The following TRMT11 variants were observed in gnomAD, a reference collection of about 807,000 sequenced individuals.
TRMT11 encodes tRNA (guanine(10)-N(2))-methyltransferase TRMT11.
In TRMT11, 53 loss-of-function variants were observed where a neutral mutation model predicts 62.8. The ratio of observed to expected loss-of-function variants is 0.84; its 90% CI spans 0.68 to 1.06. The LOEUF (loss-of-function observed/expected upper bound fraction) is 1.06. TRMT11 is among the 50% of genes least tolerant of loss of function. The pLI, the probability that TRMT11 is intolerant of heterozygous loss-of-function variation, is 0.00. For missense variants in TRMT11, 556 were observed against 553.4 expected (o/e 1.00, Z -0.05); for synonymous variants, 188 against 190.3 (o/e 0.99, Z 0.10).
chr6:126,084,268 G>A (rs538507283), intron 17 of TRMT11, among the ~76,000 whole-genome samples: 19 of 152,046 alleles, frequency 1.2e-4, no homozygotes, highest in African/African-American at 2.7e-4. Context: ...TCTTCTGACC[G>A]TTTGATACCA....
chr6:126,008,496 TTA>T (rs778580943), intron 8 of TRMT11, 24 bp downstream of exon 8: 163 of 1,585,820 alleles, frequency 1.0e-4, no homozygotes, highest in Non-Finnish European at 1.3e-4. Flanking sequence ...ATAGACAGTA[TTA>T]TAGTCATTGC....
At chr6:126,255,534 C>T in the TRMT11 span, among the ~76,000 whole-genome samples, 1 of 152,128 alleles carries the variant, frequency 6.6e-6, no homozygotes, top group South Asian at 2.1e-4. Context: ...AAAAATTTTA[C>T]CTCTTACATA....
intron 16 of TRMT11, among the ~76,000 whole-genome samples, chr6:126,052,422 T>A (rs915409829): frequency 6.6e-6 from 1 of 152,222 alleles, no homozygotes; most frequent in Non-Finnish European, 1.5e-5. Context: ...ACATAATACC[T>A]TTCAGGCAGC....
chr6:126,261,227 T>G, the TRMT11 span, among the ~76,000 whole-genome samples: 2 of 152,206 alleles, frequency 1.3e-5, no homozygotes, highest in African/African-American at 4.8e-5. Context: ...ATTGTAGTTT[T>G]TATTTCATTA....
intron 1 of TRMT11, 194 bp downstream of exon 1, chr6:125,986,816 A>G (rs6569448): frequency 0.69 from 393,074 of 568,212 alleles, 138,469 homozygotes; most frequent in East Asian, 0.95. Context: ...TCCGAGACCA[A>G]ACCCCTCGGC....
chr6:126,170,755 G>GT (rs1562339796), intron 21 of TRMT11, among the ~76,000 whole-genome samples: 1 of 151,996 alleles, frequency 6.6e-6, no homozygotes, highest in African/African-American at 2.4e-5. Flanking sequence ...CTCTTTGGGG[G>GT]TTTTTCCAGG....
upstream of TRMT11, among the ~76,000 whole-genome samples, chr6:126,173,043 T>C (rs1166764497): frequency 1.3e-5 from 2 of 152,144 alleles, no homozygotes; most frequent in African/African-American, 2.4e-5. Context: ...CCATTATGGT[T>C]AGGTAGTTGC....
At chr6:126,151,935 C>CTTTCTTTCTTTCTTTTCTTTCTTTCT (rs1562334975) in intron 21 of TRMT11, among the ~76,000 whole-genome samples, 1 of 94,768 alleles carries the variant, frequency 1.1e-5, no homozygotes, top group Admixed American at 1.0e-4. Flanking sequence ...TTCTTTCTTT[C>CTTTCTTTCTTTCTTTTCTTTCTTTCT]TTTCTTTCTT....
downstream of TRMT11, among the ~76,000 whole-genome samples, chr6:126,043,260 G>A (rs1025551836): frequency 7.4e-6 from 1 of 135,364 alleles, no homozygotes; most frequent in Admixed American, 8.3e-5. Flanking sequence ...GTGTCCATGT[G>A]TTCTCATTGT....
At chr6:126,020,878 T>C (rs912300780) in intron 11 of TRMT11, among the ~76,000 whole-genome samples, 2 of 152,262 alleles carry the variant, frequency 1.3e-5, no homozygotes, top group African/African-American at 4.8e-5. Context: ...GGAATCATCT[T>C]GTACTTTTGT....
the TRMT11 span, among the ~76,000 whole-genome samples, chr6:126,216,591 C>T: frequency 1.3e-5 from 2 of 152,138 alleles, no homozygotes; most frequent in Non-Finnish European, 2.9e-5. Flanking sequence ...AAGGTTTCCA[C>T]TGAAAGTCTG....
intron 12 of TRMT11, among the ~76,000 whole-genome samples, chr6:126,032,768 CTT>C (rs974938888): frequency 2.0e-5 from 3 of 152,128 alleles, no homozygotes; most frequent in East Asian, 3.9e-4. Context: ...GAACTTGACT[CTT>C]TTGCTCACAA....
intron 2 of TRMT11, among the ~76,000 whole-genome samples, chr6:125,995,245 G>T (rs1043294627): frequency 1.3e-5 from 2 of 152,166 alleles, no homozygotes; most frequent in Non-Finnish European, 2.9e-5. Flanking sequence ...ATTCCTGAAT[G>T]ACTTTCACTT....
chr6:126,036,460 G>A (rs1224838795), intron 12 of TRMT11, among the ~76,000 whole-genome samples: 2 of 152,072 alleles, frequency 1.3e-5, no homozygotes, highest in Non-Finnish European at 2.9e-5. Flanking sequence ...TAGATTAAAT[G>A]TTGGAGTTAT....
At chr6:126,200,786 C>A (rs565026503) in intron 3 of TRMT11, among the ~76,000 whole-genome samples, 2 of 152,264 alleles carry the variant, frequency 1.3e-5, no homozygotes. Context: ...ATCTCCTGAC[C>A]TTGTGATCCG....
chr6:126,112,027 C>T (rs1562325610), intron 17 of TRMT11, among the ~76,000 whole-genome samples: 1 of 152,150 alleles, frequency 6.6e-6, no homozygotes. Context: ...CTCCTAAGAA[C>T]TAAGCTGAGA....
chr6:126,117,354 G>C (rs1777601682), intron 21 of TRMT11, among the ~76,000 whole-genome samples: 2 of 151,946 alleles, frequency 1.3e-5, no homozygotes. Flanking sequence ...AGTCTCATCT[G>C]CTTTTCTTTG....
intron 17 of TRMT11, among the ~76,000 whole-genome samples, chr6:126,075,789 C>G (rs1777004760): frequency 6.6e-6 from 1 of 152,090 alleles, no homozygotes; most frequent in Non-Finnish European, 1.5e-5. Flanking sequence ...TTATTTTTTG[C>G]TCATGTGGGT....
chr6:126,140,592 A>T (rs958819923), intron 21 of TRMT11, among the ~76,000 whole-genome samples: 4 of 151,942 alleles, frequency 2.6e-5, no homozygotes, highest in African/African-American at 4.8e-5. Flanking sequence ...GATTTTGATG[A>T]TTTTTCTAGA....
Sources: allele counts gnomAD v4.1 joint callset (sites outside exome capture counted in the v4.1 genomes callset), GRCh38; gene constraint gnomAD v4.1.1; transcripts MANE v1.5; gene names NCBI Gene and HGNC (gene_info 2026-07-23, HGNC 2026-07-21).